The following NAV2 variants were observed in gnomAD, a reference collection of about 807,000 sequenced individuals.
NAV2 encodes the protein helicase, APC down-regulated 1.
NAV2 carries 54 observed loss-of-function variants against 223.2 expected under a neutral mutation model. That is an observed-to-expected ratio of 0.24 (90% CI 0.19 to 0.30). The LOEUF (loss-of-function observed/expected upper bound fraction) is 0.30, where lower values mean the gene tolerates loss of function less well. Among genes scored for constraint, NAV2 ranks in the 10% least tolerant of loss-of-function variants. The pLI, the probability that NAV2 is intolerant of heterozygous loss-of-function variation, is 1.00. For synonymous variants in NAV2, 1,279 were observed against 1,239.3 expected (o/e 1.03, Z -0.67); for missense variants, 2,806 against 3,147.5 (o/e 0.89, Z 2.60).
At chr11:19,941,561 A>T (rs2046406010) in intron 8 of NAV2, among the ~76,000 whole-genome samples, 1 of 152,042 alleles carries the variant, frequency 6.6e-6, no homozygotes, top group Non-Finnish European at 1.5e-5. Flanking sequence ...TCAATTGCTT[A>T]GTTCTTCCTC....
intron 1 of NAV2, among the ~76,000 whole-genome samples, chr11:19,726,154 T>G (rs777857564): frequency 5.3e-5 from 8 of 152,228 alleles, no homozygotes; most frequent in African/African-American, 9.6e-5. Flanking sequence ...CCTTCAGTGG[T>G]TTAAAAATAT....
intron 1 of NAV2, among the ~76,000 whole-genome samples, chr11:19,410,444 A>C (rs950248320): frequency 1.3e-5 from 2 of 152,128 alleles, no homozygotes; most frequent in Non-Finnish European, 2.9e-5. Context: ...TATTATCTCT[A>C]TTTTACAAAT....
intron 11 of NAV2, among the ~76,000 whole-genome samples, chr11:20,017,104 T>G (rs990284333): frequency 1.3e-5 from 2 of 152,132 alleles, no homozygotes; most frequent in Non-Finnish European, 2.9e-5. Context: ...CAGAAAAGAA[T>G]AGAGGAAGTG....
intron 26 of NAV2, among the ~76,000 whole-genome samples, chr11:20,088,552 G>T (rs972289421): frequency 3.9e-5 from 6 of 152,212 alleles, no homozygotes; most frequent in African/African-American, 1.2e-4. Flanking sequence ...GTTTCTGAGA[G>T]CTGGCTGATT....
chr11:19,676,166 G>A lies in NAV2; in HGVS notation c.76-156318G>A, dbSNP rs956041261. The stretch of plus-strand genomic sequence containing the variant: ...GCTTCTTCCCTGTCCCTTCCTCCTC[G>A]ATCCCCCTCCCTGCTCCAGTCTGGC... On this transcript the variant is annotated intron_variant, in intron 1 of 37. Coordinates refer to the NAV2 transcript ENST00000360655. Among the ~76,000 whole-genome samples, 10 of 151,966 alleles carry A rather than the reference G, an allele frequency of 6.6e-5. No homozygotes were observed. In the South Asian group the frequency reaches 8.3e-4, roughly 13 times the overall value.
rs1416554569 is a variant in NAV2 at position 20,048,863 on chromosome 11, C to T, written c.4038C>T (p.Val1346=). The T allele has an allele frequency of 6.2e-7, 1 of 1,614,176 alleles. No homozygotes were observed. Among genetic ancestry groups the T allele is most frequent in the South Asian group, 1.1e-5 (1 of 91,078 alleles). ...GNLDSPSGSG[V]LSSGSSSPLY... is the part of the protein sequence containing the mutation. Reference sequence around the variant, plus strand: ...TAGACTCCCCGTCAGGCAGTGGCGTCCTGAGCAGTGGGAGCAGCAGTCCTC... The same window carrying T: ...TAGACTCCCCGTCAGGCAGTGGCGTTCTGAGCAGTGGGAGCAGCAGTCCTC... Residue 1346 remains valine, a synonymous_variant, in exon 15 of 38, where the codon GTC becomes GTT. Transcript: ENST00000349880.
chr11:19,847,765 T>C (rs1403516657), intron 3 of NAV2, among the ~76,000 whole-genome samples: 9 of 152,326 alleles, frequency 5.9e-5, no homozygotes, highest in African/African-American at 2.2e-4. Flanking sequence ...TTCTAAGTGC[T>C]TTACAAATAC....
rs141025466 is a variant in NAV2 at position 19,934,099 on chromosome 11, T to C, written c.1855T>C (p.Ser619Pro). The C allele has an allele frequency of 5.4e-5, 87 of 1,613,316 alleles. No homozygotes were observed. The African/African-American group carries it at 9.9e-4, about 18-fold the overall frequency. ...HSSSSSSLAS[S>P]EGKGPGGTTL... ...CAGTTCCTCTTCCAGCCTGGCGTCC[T>C]CAGAAGGAAAAGGCCCAGGAGGGAC... Residue 619 changes from serine to proline, a missense_variant, in exon 7 of 38, where the codon TCA becomes CCA. Ser to Pro is a moderately conservative substitution (Grantham distance 74). This residue lies in a region of NAV2 where 1,167 missense variants were observed against 1,180.5 expected (regional missense o/e 0.99). Coordinates refer to ENST00000349880, the MANE Select transcript of NAV2 (RefSeq NM_145117.5).
intron 26 of NAV2, among the ~76,000 whole-genome samples, chr11:20,083,847 C>T (rs2060246159): frequency 6.6e-6 from 1 of 152,212 alleles, no homozygotes; most frequent in South Asian, 2.1e-4. Flanking sequence ...GGGCCTTTTC[C>T]ATGCTGTTCC....
At chr11:19,633,606 G>A (rs1375064205) in intron 1 of NAV2, among the ~76,000 whole-genome samples, 1 of 152,248 alleles carries the variant, frequency 6.6e-6, no homozygotes, top group Non-Finnish European at 1.5e-5. Context: ...GACGGAGCTC[G>A]GGCCCAGGGA....
intron 6 of NAV2, among the ~76,000 whole-genome samples, chr11:19,912,719 C>A (rs1027133251): frequency 5.9e-5 from 9 of 152,220 alleles, no homozygotes; most frequent in African/African-American, 2.2e-4. Flanking sequence ...TGCCTTATTT[C>A]TCTTTACACC....
chr11:19,348,523 T>C (rs1398366814), upstream of NAV2, among the ~76,000 whole-genome samples: 1 of 152,184 alleles, frequency 6.6e-6, no homozygotes, highest in Non-Finnish European at 1.5e-5. Context: ...GGCAAGTTAC[T>C]TGACCTCTCT....
intron 1 of NAV2, chr11:19,401,873 A>G (rs942618044): frequency 6.6e-6 from 1 of 152,240 alleles, no homozygotes; most frequent in Non-Finnish European, 1.5e-5. Flanking sequence ...AACATGTCAC[A>G]TTCACGTGCA....
chr11:19,695,282 A>G (rs1319795656), intron 1 of NAV2, among the ~76,000 whole-genome samples: 1 of 152,242 alleles, frequency 6.6e-6, no homozygotes, highest in Admixed American at 6.5e-5. Context: ...ATCCAAGTTC[A>G]AAACCCAGTT....
intron 1 of NAV2, among the ~76,000 whole-genome samples, chr11:19,796,809 T>A (rs894024394): frequency 6.6e-6 from 1 of 152,234 alleles, no homozygotes; most frequent in Non-Finnish European, 1.5e-5. Flanking sequence ...CTCTTCTTCC[T>A]GTGGCCTTGC....
chr11:20,083,482 G>A (rs548658560), intron 26 of NAV2, among the ~76,000 whole-genome samples: 6 of 152,242 alleles, frequency 3.9e-5, no homozygotes, highest in East Asian at 1.9e-4. Flanking sequence ...TTTTGTGTAC[G>A]TATCCTAGCC....
intron 3 of NAV2, among the ~76,000 whole-genome samples, chr11:19,853,403 C>G (rs2061248821): frequency 6.6e-6 from 1 of 152,240 alleles, no homozygotes; most frequent in South Asian, 2.1e-4. Flanking sequence ...TGCCTTCAAG[C>G]TAGTCCAACC....
At chr11:19,509,880 A>G (rs1268269772) in intron 1 of NAV2, among the ~76,000 whole-genome samples, 1 of 151,992 alleles carries the variant, frequency 6.6e-6, no homozygotes, top group African/African-American at 2.4e-5. Flanking sequence ...AAATGTTATG[A>G]GCTGGGTTTA....
chr11:19,519,100 A>G (rs1363322918), intron 1 of NAV2, among the ~76,000 whole-genome samples: 2 of 152,226 alleles, frequency 1.3e-5, no homozygotes, highest in African/African-American at 4.8e-5. Context: ...CACCCAGTCT[A>G]TGGTATTTTG....
Sources: gnomAD v4.1 joint callset for allele counts (sites outside exome capture counted in the v4.1 genomes callset) on GRCh38, gnomAD v4.1.1 for gene constraint, gnomAD v4.1.1 regional missense constraint, MANE v1.5 for transcripts, NCBI Gene and HGNC (gene_info 2026-07-23, HGNC 2026-07-21) for gene names.